Variants in DNAJC6 observed in about 807,000 individuals in gnomAD.
DNAJC6 encodes auxilin.
DNAJC6 carries 34 observed loss-of-function variants against 110.0 expected under a neutral mutation model. The ratio of observed to expected loss-of-function variants is 0.31; its 90% CI spans 0.24 to 0.41. DNAJC6 has a LOEUF of 0.41. Among genes scored for constraint, DNAJC6 ranks in the 10% least tolerant of loss-of-function variants. The probability of loss-of-function intolerance (pLI) is 1.00; values close to 1 mark genes in which losing one functional copy is unlikely to be tolerated. For missense variants in DNAJC6, 1,031 were observed against 1,207.8 expected, an observed-to-expected ratio of 0.85 and a Z score of 2.17; for synonymous variants, 406 against 437.2, an observed-to-expected ratio of 0.93 and a Z score of 0.89.
chr1:65,343,559 T>G (rs946745150), intron 1 of DNAJC6, among the ~76,000 whole-genome samples: 8 of 152,080 alleles, frequency 5.3e-5, no homozygotes, highest in African/African-American at 1.9e-4. Context: ...ATTAGTCACT[T>G]AGTAGTTGTG....
At chr1:65,321,570 C>A (rs1570275439) in intron 1 of DNAJC6, among the ~76,000 whole-genome samples, 2 of 152,046 alleles carry the variant, frequency 1.3e-5, no homozygotes, top group African/African-American at 4.8e-5. Flanking sequence ...GAGGAAGGTA[C>A]AAAGATTTCC....
In DNAJC6 at chr1:65,398,872, G is replaced by T; in HGVS notation, c.2098G>T (p.Ala700Ser). The change falls in exon 14 of 19, where the codon GCT (alanine) becomes TCT (serine). Residue 700 changes from alanine (A) to serine (S), a missense_variant. Coordinates refer to ENST00000371069, the MANE Select transcript of DNAJC6 (RefSeq NM_001256864.2). ...PDVSGGWDWH[A>S]KPGGFGMGSK... ...TGTTTCTGGAGGTTGGGACTGGCAT[G>T]CTAAACCAGGTAAAAGCAGGTTATT... The T allele has an allele frequency of 6.2e-7, 1 of 1,614,072 alleles. No individual in the cohort carries two copies.
chr1:65,379,292 A>G (rs907798088), intron 4 of DNAJC6, 110 bp from the exon 5 acceptor site: 1 of 1,380,154 alleles, frequency 7.2e-7, no homozygotes, highest in African/African-American at 1.5e-5. Flanking sequence ...TCCTATCTAT[A>G]TTAAGAGAGG....
chr1:65,313,309 C>T (rs1645119663), intron 1 of DNAJC6, among the ~76,000 whole-genome samples: 1 of 151,922 alleles, frequency 6.6e-6, no homozygotes, highest in African/African-American at 2.4e-5. Context: ...GATCTGACCA[C>T]CTCGGCCTCC....
intron 5 of DNAJC6, among the ~76,000 whole-genome samples, chr1:65,383,298 A>G (rs965229569): frequency 2.0e-5 from 3 of 152,192 alleles, no homozygotes; most frequent in African/African-American, 7.2e-5. Flanking sequence ...AAAGTCCAAG[A>G]TCAAGGTGAC....
chr1:65,303,188 A>G (rs1645005514), intron 1 of DNAJC6, among the ~76,000 whole-genome samples: 1 of 152,196 alleles, frequency 6.6e-6, no homozygotes, highest in Non-Finnish European at 1.5e-5. Flanking sequence ...TGGTATTTTC[A>G]TTCAATTAGC....
intron 1 of DNAJC6, among the ~76,000 whole-genome samples, chr1:65,355,511 T>C (rs184409508): frequency 6.3e-4 from 96 of 152,218 alleles, no homozygotes; most frequent in African/African-American, 2.3e-3. Flanking sequence ...CTGCTTCTGC[T>C]CTCTTGGTCT....
chr1:65,278,290 T>C (rs1653738968), intron 1 of DNAJC6, among the ~76,000 whole-genome samples: 1 of 152,230 alleles, frequency 6.6e-6, no homozygotes, highest in Non-Finnish European at 1.5e-5. Context: ...AAATCAATAT[T>C]ATGGCAATTC....
In DNAJC6 at chr1:65,392,455, G is replaced by A. The variant is rs769675158; in HGVS notation, c.1493G>A (p.Cys498Tyr). ...GATCAGAAATCGGAGAAGTCATTCT[G>A]TGAGGAGGACCACGCTGCCCTAGTG... ...WQDQKSEKSF[C>Y]EEDHAALVNQ... is the part of the protein sequence containing the mutation. The change falls in exon 12 of 19, where the codon TGT becomes TAT. Residue 498 changes from cysteine to tyrosine, a missense_variant. Cys to Tyr is a radical substitution (Grantham distance 194). Coordinates refer to ENST00000371069, the MANE Select transcript of DNAJC6 (RefSeq NM_001256864.2). 2.6e-5 allele frequency: 42 copies of A among 1,605,882 alleles called. No homozygotes were observed. Among genetic ancestry groups the A allele is most frequent in the Non-Finnish European group, 3.3e-5 (39 of 1,175,338 alleles).
chr1:65,364,674 G>C lies in DNAJC6; in HGVS notation c.233G>C (p.Gly78Ala). The change falls in exon 2 of 19, where the codon GGT (glycine) becomes GCT (alanine). Residue 78 changes from glycine to alanine, a missense_variant. Transcript: ENST00000371069. ...GACATGGAGCCCAGCTATGGGGGAGGTCTCTTTGACATGGTAAAAGGAGGT... is the reference window on the plus strand; with the variant it reads ...GACATGGAGCCCAGCTATGGGGGAGCTCTCTTTGACATGGTAAAAGGAGGT... ...SPDMEPSYGG[G>A]LFDMVKGGAG... is the part of the protein sequence containing the mutation. The C allele has an allele frequency of 6.2e-7, 1 of 1,612,542 alleles. No homozygotes were observed. Among genetic ancestry groups the C allele is most frequent in the Non-Finnish European group, 8.5e-7 (1 of 1,179,512 alleles).
At chr1:65,305,806 A>G (rs980283408), upstream of DNAJC6, among the ~76,000 whole-genome samples, 1 of 152,248 alleles carries the variant, frequency 6.6e-6, no homozygotes, top group Non-Finnish European at 1.5e-5. Flanking sequence ...AGCTGGGCAG[A>G]TTTAAACTTA....
chr1:65,288,135 C>A (rs1248341155), intron 1 of DNAJC6, among the ~76,000 whole-genome samples: 2 of 152,106 alleles, frequency 1.3e-5, no homozygotes, highest in Admixed American at 6.5e-5. Context: ...TCTGCATTGT[C>A]TGAGGAAGGG....
chr1:65,402,010 A>G (rs1646034581), intron 15 of DNAJC6, 130 bp downstream of exon 15: 3 of 1,277,416 alleles, frequency 2.3e-6, no homozygotes, highest in South Asian at 1.5e-5. Flanking sequence ...TTCTTAAGCT[A>G]TCCTCTGAAA....
Position 65,401,708 on chromosome 1 carries a change from C to G in DNAJC6, c.2108-53C>G, listed in dbSNP as rs4592284. ...AGTAACTCTGGAATTCTGAATTTCACAATTCAGCCTCAAACAACTAACTCA... is the reference window on the plus strand; with the variant it reads ...AGTAACTCTGGAATTCTGAATTTCAGAATTCAGCCTCAAACAACTAACTCA... On this transcript the variant is annotated intron_variant, in intron 14 of 18. Transcript: ENST00000371069. 945,241 of 1,574,990 alleles carry G rather than the reference C, an allele frequency of 0.6. 288,659 individuals are homozygous for G. Among genetic ancestry groups the G allele is most frequent in the African/African-American group, 0.86 (62,107 of 72,428 alleles).
intron 1 of DNAJC6, among the ~76,000 whole-genome samples, chr1:65,297,223 G>T (rs12047806): frequency 0.12 from 18,237 of 152,056 alleles, 1,436 homozygotes; most frequent in East Asian, 0.26. Flanking sequence ...AGGGGGAAGT[G>T]GTGAAGGCTG....
chr1:65,279,853 G>T (rs1457185839), intron 1 of DNAJC6: 7 of 152,076 alleles, frequency 4.6e-5, no homozygotes, highest in Non-Finnish European at 1.0e-4. Flanking sequence ...TTAATTATTA[G>T]ATGAAATTTG....
chr1:65,392,362 A>C (rs900056403), intron 11 of DNAJC6, 69 bp from the exon 12 acceptor site: 1 of 1,382,082 alleles, frequency 7.2e-7, no homozygotes, highest in African/African-American at 1.5e-5. Context: ...TTATATACAT[A>C]TATTATAACA....
intron 1 of DNAJC6, among the ~76,000 whole-genome samples, chr1:65,324,757 G>A (rs1253455213): frequency 6.6e-6 from 1 of 152,166 alleles, no homozygotes; most frequent in East Asian, 1.9e-4. Flanking sequence ...TGGGACATTT[G>A]GTAATGTCTG....
chr1:65,339,296 C>T (rs1051265510), intron 1 of DNAJC6, among the ~76,000 whole-genome samples: 4 of 152,214 alleles, frequency 2.6e-5, no homozygotes, highest in South Asian at 2.1e-4. Context: ...TGCTGGAGTA[C>T]GAACCCGAAT....
Sources: gnomAD v4.1 joint callset for allele counts (sites outside exome capture counted in the v4.1 genomes callset) on GRCh38, gnomAD v4.1.1 for gene constraint, MANE v1.5 for transcripts, NCBI Gene and HGNC (gene_info 2026-07-23, HGNC 2026-07-21) for gene names.